Variants in KIF6 observed in about 807,000 individuals in gnomAD.
The protein encoded by KIF6 is kinesin family member 6.
A neutral mutation model predicts 112.7 loss-of-function variants in KIF6; 106 were observed. The observed-to-expected ratio is 0.94, with a 90% confidence interval of 0.80 to 1.11. The LOEUF (loss-of-function observed/expected upper bound fraction) is 1.11. KIF6 is among the 50% of genes least tolerant of loss of function. The pLI is 0.00. For missense variants in KIF6, 929 were observed against 964.0 expected, an observed-to-expected ratio of 0.96 and a Z score of 0.48; for synonymous variants, 339 against 339.9, an observed-to-expected ratio of 1.00 and a Z score of 0.03.
intron 5 of KIF6, among the ~76,000 whole-genome samples, chr6:39,631,943 T>C (rs1022086568): frequency 1.3e-5 from 2 of 152,176 alleles, no homozygotes; most frequent in Non-Finnish European, 2.9e-5. Context: ...ACTTCTATAA[T>C]AGTTATTGAA....
At position 39,384,711 on chromosome 6, in the gene KIF6, C is replaced by T. The variant is rs75409817; in HGVS notation, c.1861+911G>A. On this transcript the variant is annotated intron_variant, in intron 16 of 22. Transcript: ENST00000287152. ...ATTGGCCCTGGGTGCTGGATTTCTCCGATTACAGGTAATTGAGGGCCCACA... is the reference window on the plus strand; with the variant it reads ...ATTGGCCCTGGGTGCTGGATTTCTCTGATTACAGGTAATTGAGGGCCCACA... 8.1e-4 allele frequency among the ~76,000 whole-genome samples: 123 copies of T among 152,262 alleles called. 1 individual carries two copies. In the East Asian group the frequency reaches 0.019, roughly 24 times the overall value.
chr6:39,549,365 TG>T (rs1404732991), intron 10 of KIF6, among the ~76,000 whole-genome samples: 2 of 152,216 alleles, frequency 1.3e-5, no homozygotes, highest in Non-Finnish European at 1.5e-5. Flanking sequence ...CACTCTTCTG[TG>T]CTATTTGCAT....
chr6:39,583,674 C>CTTTTTTTTTTTTTT (rs564229262), intron 9 of KIF6, among the ~76,000 whole-genome samples: 2 of 71,708 alleles, frequency 2.8e-5, no homozygotes, highest in African/African-American at 4.9e-5. Context: ...GATTTCACTT[C>CTTTTTTTTTTTTTT]TTTTTTTTTT....
intron 19 of KIF6, among the ~76,000 whole-genome samples, chr6:39,349,390 A>AAAG (rs1393256766): frequency 2.0e-5 from 3 of 152,056 alleles, no homozygotes; most frequent in Non-Finnish European, 4.4e-5. Flanking sequence ...AACAAGCAGT[A>AAAG]AAGAGGCAGC....
At chr6:39,526,591 T>C (rs1777743859) in intron 13 of KIF6, among the ~76,000 whole-genome samples, 1 of 152,192 alleles carries the variant, frequency 6.6e-6, no homozygotes, top group Non-Finnish European at 1.5e-5. Flanking sequence ...ATGTGTGCAT[T>C]ATCTTTCTCT....
intron 5 of KIF6, among the ~76,000 whole-genome samples, chr6:39,613,806 C>G (rs1783351299): frequency 6.6e-6 from 1 of 152,128 alleles, no homozygotes; most frequent in Non-Finnish European, 1.5e-5. Context: ...ATCTGTCATC[C>G]TTCTAGGAGT....
chr6:39,346,803 A>G (rs1297378158), intron 19 of KIF6, among the ~76,000 whole-genome samples: 3 of 152,124 alleles, frequency 2.0e-5, no homozygotes, highest in Non-Finnish European at 4.4e-5. Context: ...ATGCATCACA[A>G]CACCTGGCTA....
In KIF6 at chr6:39,378,295, A is replaced by G. The variant is rs905455308; in HGVS notation, c.1861+7327T>C. Among the ~76,000 whole-genome samples, 6 of 151,908 alleles carry G rather than the reference A, an allele frequency of 3.9e-5. No homozygotes were observed. The highest frequency in any genetic ancestry group is 7.4e-5 in the Non-Finnish European group (5 of 67,966). On this transcript the variant is annotated intron_variant, in intron 16 of 22. Transcript: ENST00000287152. This position sits in a 1 kb window ranked among gnomAD's most constrained non-coding sequence, Gnocchi z 5.0. ...AACCACACACACATACACACCACAC[A>G]CACAAGCACAAAACACACATACAAC...
At chr6:39,636,812 G>T (rs1376253593) in intron 4 of KIF6, among the ~76,000 whole-genome samples, 3 of 152,072 alleles carry the variant, frequency 2.0e-5, no homozygotes, top group African/African-American at 7.2e-5. Flanking sequence ...ATACATTTCT[G>T]AGTTCTTCTT....
chr6:39,393,219 C>T (rs915426179), intron 15 of KIF6, among the ~76,000 whole-genome samples: 9 of 152,284 alleles, frequency 5.9e-5, no homozygotes, highest in Admixed American at 6.5e-5. Context: ...ATTTACCACC[C>T]GCAGGCCCTC....
chr6:39,715,042 C>A, intron 2 of KIF6: 1 of 276,498 alleles, frequency 3.6e-6, no homozygotes, highest in Non-Finnish European at 6.8e-6. Flanking sequence ...AAATTGTGTG[C>A]TTTTTAGCTC....
intron 3 of KIF6, among the ~76,000 whole-genome samples, chr6:39,643,465 G>T (rs1294324266): frequency 6.6e-6 from 1 of 152,144 alleles, no homozygotes; most frequent in African/African-American, 2.4e-5. Flanking sequence ...ACTGGCATAA[G>T]GCCATACATA....
intron 13 of KIF6, among the ~76,000 whole-genome samples, chr6:39,445,063 G>A (rs1385833226): frequency 1.3e-5 from 2 of 152,186 alleles, no homozygotes; most frequent in African/African-American, 4.8e-5. Context: ...CTGCCATTAA[G>A]GACTTTTTGG....
chr6:39,482,346 C>G (rs1422113447), intron 13 of KIF6, among the ~76,000 whole-genome samples: 1 of 152,150 alleles, frequency 6.6e-6, no homozygotes, highest in African/African-American at 2.4e-5. Context: ...CTATCACCAC[C>G]AGATGATGGA....
At chr6:39,659,441 T>C (rs942845773) in intron 3 of KIF6, among the ~76,000 whole-genome samples, 3 of 152,186 alleles carry the variant, frequency 2.0e-5, no homozygotes, top group Admixed American at 6.5e-5. Flanking sequence ...AGCACTCAAA[T>C]TGGCTTTCTC....
At chr6:39,495,012 A>C (rs1207340207) in intron 13 of KIF6, among the ~76,000 whole-genome samples, 4 of 152,174 alleles carry the variant, frequency 2.6e-5, no homozygotes, top group Non-Finnish European at 5.9e-5. Flanking sequence ...AAGGAAATAC[A>C]GGTGGAAAAA....
intron 14 of KIF6, among the ~76,000 whole-genome samples, chr6:39,422,249 C>G (rs2150367581): frequency 6.6e-6 from 1 of 152,240 alleles, no homozygotes; most frequent in South Asian, 2.1e-4. Flanking sequence ...CCAGAGAATC[C>G]CTGACAAGCC....
intron 13 of KIF6, among the ~76,000 whole-genome samples, chr6:39,483,608 T>C (rs768999194): frequency 1.3e-5 from 2 of 152,148 alleles, no homozygotes; most frequent in Non-Finnish European, 2.9e-5. Context: ...TTTAAACCAG[T>C]GCATTTCAAG....
chr6:39,479,648 T>G (rs1368679225), intron 13 of KIF6, among the ~76,000 whole-genome samples: 1 of 152,194 alleles, frequency 6.6e-6, no homozygotes, highest in African/African-American at 2.4e-5. Flanking sequence ...ATGGTGGTAT[T>G]TGGATGGGAA....
Sources: allele counts gnomAD v4.1 joint callset (sites outside exome capture counted in the v4.1 genomes callset), GRCh38; gene constraint gnomAD v4.1.1; non-coding constraint Gnocchi (gnomAD v3.1); transcripts MANE v1.5; gene names NCBI Gene and HGNC (gene_info 2026-07-23, HGNC 2026-07-21).